The following OGFOD3 variants were observed in gnomAD, a reference collection of about 807,000 sequenced individuals.
OGFOD3 encodes the protein 2-oxoglutarate and iron-dependent oxygenase domain-containing protein 3.
OGFOD3 carries 35 observed loss-of-function variants against 39.8 expected under a neutral mutation model. The ratio of observed to expected loss-of-function variants is 0.88; its 90% CI spans 0.67 to 1.17. The LOEUF (loss-of-function observed/expected upper bound fraction) is 1.17. OGFOD3 is among the 50% of genes most tolerant of loss of function. The pLI, the probability that OGFOD3 is intolerant of heterozygous loss-of-function variation, is 0.00. For synonymous variants in OGFOD3, 200 were observed against 192.0 expected, an observed-to-expected ratio of 1.04 and a Z score of -0.34; for missense variants, 438 against 454.5, an observed-to-expected ratio of 0.96 and a Z score of 0.33.
Position 82,392,603 on chromosome 17 carries a change from C to G in OGFOD3, c.824-69G>C. The stretch of plus-strand genomic sequence containing the variant: ...ACGGCCACAGCCTTCAGAGGGTCTG[C>G]GGTCACCTGAAAGAGCAACTATAAC... On this transcript the variant is annotated intron_variant, in intron 8 of 8. Coordinates refer to ENST00000313056, the MANE Select transcript of OGFOD3 (RefSeq NM_024648.3). This position sits in a 1 kb window ranked among gnomAD's most constrained non-coding sequence, Gnocchi z 4.2. 3.3e-6 allele frequency: 5 copies of G among 1,512,846 alleles called. No individual in the cohort carries two copies. The highest frequency in any genetic ancestry group is 4.4e-6 in the Non-Finnish European group (5 of 1,124,154). 93.7% of individuals were successfully genotyped at this position (1,512,846 alleles called of 1,614,324 possible).
Position 82,392,173 on chromosome 17 carries a change from C to G in OGFOD3, c.*225G>C. ...TGGGTCCCTTTCCTGGCCTCCACCT[C>G]AGGCTCCCAGGCCTACAGCCCAAGC... On this transcript the variant is annotated 3_prime_UTR_variant, in exon 9 of 9. Transcript: ENST00000313056. This position sits in a 1 kb window ranked among gnomAD's most constrained non-coding sequence, Gnocchi z 4.2. 1.7e-6 allele frequency: 1 copy of G among 596,120 alleles called. No homozygotes were observed. Among genetic ancestry groups the G allele is most frequent in the Non-Finnish European group, 2.9e-6 (1 of 343,292 alleles). The allele number at this position is 596,120 out of a possible 1,614,324, so 36.9% of individuals were successfully genotyped here.
intron 4 of OGFOD3, among the ~76,000 whole-genome samples, chr17:82,407,674 G>A (rs1368608520): frequency 6.6e-6 from 1 of 152,218 alleles, no homozygotes; most frequent in Non-Finnish European, 1.5e-5. Context: ...TGGCCCTGCG[G>A]CACTAACCTA....
chr17:82,401,814 A>AAAAAAAAAAAAAAAAAAC (rs2052770260), intron 7 of OGFOD3, among the ~76,000 whole-genome samples: 1 of 149,548 alleles, frequency 6.7e-6, no homozygotes, highest in Non-Finnish European at 1.5e-5. Context: ...AAAAAAAAAA[A>AAAAAAAAAAAAAAAAAAC]AAAAAAAAAC....
At chr17:82,409,592 T>C (rs1808973381) in intron 3 of OGFOD3, among the ~76,000 whole-genome samples, 182 bp from the exon 4 acceptor site, 1 of 152,202 alleles carries the variant, frequency 6.6e-6, no homozygotes, top group Non-Finnish European at 1.5e-5. Context: ...TAAGCGACAA[T>C]ACTGCCATCG....
At chr17:82,411,560 GT>G in intron 2 of OGFOD3, 30 bp from the exon 3 acceptor site, 1 of 1,599,414 alleles carries the variant, frequency 6.3e-7, no homozygotes, top group Non-Finnish European at 8.6e-7. Flanking sequence ...GTGAGACGCA[GT>G]TTCCAAGGCC....
In OGFOD3 at chr17:82,415,533, C is replaced by T. The variant is rs377242494; in HGVS notation, c.169G>A (p.Ala57Thr). Residue 57 changes from alanine to threonine, a missense_variant, in exon 2 of 9, where the codon GCA (alanine) becomes ACA (threonine). Ala to Thr is a moderately conservative substitution (Grantham distance 58). Transcript: ENST00000313056. This position sits in a 1 kb window ranked among gnomAD's most constrained non-coding sequence, Gnocchi z 5.3. ...CCCAAGCTGCTCCAGAGCAGGAGTG[C>T]GGTGAGCACAAAGCCAGCCCCCAGG... The part of the protein sequence containing the change: ...AGLGAGFVLT[A>T]LLLWSSLGAD... The T allele has an allele frequency of 1.2e-5, 20 of 1,613,406 alleles. No individual in the cohort carries two copies. The highest frequency in any genetic ancestry group is 1.2e-4 in the South Asian group (11 of 91,076).
intron 3 of OGFOD3, 46 bp downstream of exon 3, chr17:82,411,409 G>A (rs375643661): frequency 8.4e-6 from 13 of 1,546,556 alleles, no homozygotes; most frequent in African/African-American, 2.7e-5. Context: ...GCCCCACTCC[G>A]CGTGTGTTTG....
chr17:82,392,051 C>A lies in OGFOD3; in HGVS notation c.*347G>T. The A allele has an allele frequency of 3.4e-6, 1 of 296,542 alleles. No homozygotes were observed. The highest frequency in any genetic ancestry group is 7.8e-5 in the East Asian group (1 of 12,776). The allele number at this position is 296,542 out of a possible 1,614,324, so 18.4% of individuals were successfully genotyped here. ...ATGCTTTAGCCAGTCTTTGATGGGCCGGGGGGTTGCTGAACCTGGACGAGT... is the reference window on the plus strand; with the variant it reads ...ATGCTTTAGCCAGTCTTTGATGGGCAGGGGGGTTGCTGAACCTGGACGAGT... On this transcript the variant is annotated 3_prime_UTR_variant, in exon 9 of 9. Coordinates refer to ENST00000313056, the MANE Select transcript of OGFOD3 (RefSeq NM_024648.3). The surrounding 1 kb of genome is among the most constrained non-coding windows in gnomAD (Gnocchi z 4.2).
intron 1 of OGFOD3, among the ~76,000 whole-genome samples, chr17:82,416,846 A>G (rs1399838477): frequency 2.0e-5 from 3 of 151,530 alleles, no homozygotes; most frequent in Non-Finnish European, 4.4e-5. Flanking sequence ...ATTTTTTTGT[A>G]TTTTTAGTAA....
chr17:82,403,026 C>T (rs2052791872), intron 7 of OGFOD3, among the ~76,000 whole-genome samples: 1 of 152,194 alleles, frequency 6.6e-6, no homozygotes, highest in South Asian at 2.1e-4. Context: ...CACACCTGCA[C>T]TCCAGCCTGG....
rs1353621766 is a variant in OGFOD3, at chr17:82,391,593, T to C, written c.*805A>G. The stretch of plus-strand genomic sequence containing the variant: ...GCCTCGGCCTCCCGCAGTGCTGAGA[T>C]TACAGGTGTGAGCCACCGCGCCCAG... On this transcript the variant is annotated 3_prime_UTR_variant, in exon 9 of 9. Transcript: ENST00000313056. This position sits in a 1 kb window ranked among gnomAD's most constrained non-coding sequence, Gnocchi z 5.1. 6.6e-6 allele frequency: 1 copy of C among 152,568 alleles called. No homozygotes were observed. Among genetic ancestry groups the C allele is most frequent in the Non-Finnish European group, 1.5e-5 (1 of 68,364 alleles). The allele number at this position is 152,568 out of a possible 1,614,324, so 9.5% of individuals were successfully genotyped here.
At position 82,405,380 on chromosome 17, in the gene OGFOD3, T is replaced by A; in HGVS notation, c.489A>T (p.Arg163Ser). ...SVGKHFVNLY[R>S]YFGDKIQNIF... Reference sequence around the variant, plus strand: ...TGTTCTGTATTTTATCCCCGAAGTATCTGTGAAAAAAGGAGTATTCACAAA... The same window carrying A: ...TGTTCTGTATTTTATCCCCGAAGTAACTGTGAAAAAAGGAGTATTCACAAA... The change falls in exon 6 of 9, where the codon AGA becomes AGT. Residue 163 changes from arginine (R) to serine (S), a missense_variant and splice_region_variant. Physicochemically the swap from Arg to Ser is moderately radical, Grantham distance 110. Transcript: ENST00000313056. 1 of 1,613,548 alleles carries A rather than the reference T, an allele frequency of 6.2e-7. No homozygotes were observed. Among genetic ancestry groups the A allele is most frequent in the Non-Finnish European group, 8.5e-7 (1 of 1,179,422 alleles).
intron 1 of OGFOD3, among the ~76,000 whole-genome samples, chr17:82,416,496 G>A (rs2143305607): frequency 6.6e-6 from 1 of 152,088 alleles, no homozygotes; most frequent in East Asian, 1.9e-4. Flanking sequence ...TTCCATCAGG[G>A]CCGCACTCCC....
chr17:82,397,441 A>G (rs1599687340), intron 8 of OGFOD3, among the ~76,000 whole-genome samples: 11 of 58,596 alleles, frequency 1.9e-4, no homozygotes, highest in South Asian at 6.3e-4. Flanking sequence ...GGGATGGGTG[A>G]GGCAGTGGGG....
Position 82,415,525 on chromosome 17 carries a change from C to A in OGFOD3, c.177G>T (p.Leu59=), listed in dbSNP as rs2143299062. Residue 59 remains leucine, a synonymous_variant, in exon 2 of 9, where the codon CTG becomes CTT. Transcript: ENST00000313056. The surrounding 1 kb of genome is among the most constrained non-coding windows in gnomAD (Gnocchi z 5.3). ...CGTCGGCCCCCAAGCTGCTCCAGAG[C>A]AGGAGTGCGGTGAGCACAAAGCCAG... The part of the protein sequence containing the change: ...LGAGFVLTAL[L]LWSSLGADDG... 6.2e-6 allele frequency: 10 copies of A among 1,613,658 alleles called. No homozygotes were observed. The East Asian group carries it at 2.2e-4, about 36-fold the overall frequency.
At chr17:82,398,161 G>C in intron 8 of OGFOD3, 35 bp downstream of exon 8, 1 of 1,612,932 alleles carries the variant, frequency 6.2e-7, no homozygotes, top group Non-Finnish European at 8.5e-7. Context: ...CCTGAGCCAG[G>C]AGCCCCACGC....
At chr17:82,402,748 A>G (rs1299016508) in intron 7 of OGFOD3, among the ~76,000 whole-genome samples, 4 of 144,170 alleles carry the variant, frequency 2.8e-5, no homozygotes, top group Non-Finnish European at 4.6e-5. Flanking sequence ...ACTCCATCTT[A>G]AAAAAAAAAA....
At position 82,392,321 on chromosome 17, in the gene OGFOD3, G is replaced by T; in HGVS notation, c.*77C>A. ...GCACTCTGTGCAACAGGAGCGGGTG[G>T]ACGTGGGGGTGGGTGCACGACTGGC... On this transcript the variant is annotated 3_prime_UTR_variant, in exon 9 of 9. Coordinates refer to ENST00000313056, the MANE Select transcript of OGFOD3 (RefSeq NM_024648.3). The surrounding 1 kb of genome is among the most constrained non-coding windows in gnomAD (Gnocchi z 4.2). 1.3e-6 allele frequency: 2 copies of T among 1,493,328 alleles called. No individual in the cohort carries two copies. The highest frequency in any genetic ancestry group is 1.4e-5 in the African/African-American group (1 of 72,426). The allele number at this position is 1,493,328 out of a possible 1,614,324, so 92.5% of individuals were successfully genotyped here. A position where few individuals can be genotyped will look rare whatever the true frequency, so the allele number is the denominator to read the frequency against.
Position 82,392,368 on chromosome 17 carries a change from C to A in OGFOD3, c.*30G>T. 1 of 1,601,164 alleles carries A rather than the reference C, an allele frequency of 6.2e-7. No individual in the cohort carries two copies. Among genetic ancestry groups the A allele is most frequent in the Non-Finnish European group, 8.5e-7 (1 of 1,175,414 alleles). On this transcript the variant is annotated 3_prime_UTR_variant, in exon 9 of 9. Coordinates refer to ENST00000313056, the MANE Select transcript of OGFOD3 (RefSeq NM_024648.3). The surrounding 1 kb of genome is among the most constrained non-coding windows in gnomAD (Gnocchi z 4.2). Reference sequence around the variant, plus strand: ...TGGCGCGGCTGCCTCCACACGGGCCCTCCTGAAGTTACCTTGGCCCGGCTG... The same window carrying A: ...TGGCGCGGCTGCCTCCACACGGGCCATCCTGAAGTTACCTTGGCCCGGCTG...
Sources: allele counts gnomAD v4.1 joint callset (sites outside exome capture counted in the v4.1 genomes callset), GRCh38; gene constraint gnomAD v4.1.1; non-coding constraint Gnocchi (gnomAD v3.1); transcripts MANE v1.5; gene names NCBI Gene and HGNC (gene_info 2026-07-23, HGNC 2026-07-21).